Variants in ULK4 observed in about 807,000 individuals in gnomAD.
ULK4 encodes inactive serine/threonine-protein kinase ULK4.
ULK4 carries 133 observed loss-of-function variants against 160.6 expected under a neutral mutation model. The ratio of observed to expected loss-of-function variants is 0.83; its 90% CI spans 0.72 to 0.96. The LOEUF is 0.96. Ranked by LOEUF, ULK4 falls within the 40% of genes least tolerant of loss-of-function variation. The probability of loss-of-function intolerance (pLI) is 0.00; values close to 1 mark genes in which losing one functional copy is unlikely to be tolerated. For synonymous variants in ULK4, 534 were observed against 539.8 expected (o/e 0.99, Z 0.15); for missense variants, 1,580 against 1,499.5 (o/e 1.05, Z -0.89).
chr3:41,874,242 T>G (rs1340613584), intron 17 of ULK4, among the ~76,000 whole-genome samples: 1 of 152,188 alleles, frequency 6.6e-6, no homozygotes, highest in African/African-American at 2.4e-5. Context: ...TCGTGCATCT[T>G]AATACGGAGC....
intron 35 of ULK4, among the ~76,000 whole-genome samples, chr3:41,286,905 C>T (rs1358353256): frequency 3.3e-5 from 5 of 152,206 alleles, no homozygotes; most frequent in Non-Finnish European, 4.4e-5. Flanking sequence ...TGTCTGTCAT[C>T]TTAACTCAAC....
intron 35 of ULK4, among the ~76,000 whole-genome samples, chr3:41,374,788 G>A (rs2081445181): frequency 6.6e-6 from 1 of 152,146 alleles, no homozygotes; most frequent in African/African-American, 2.4e-5. Flanking sequence ...TCTGGCCAGG[G>A]CAATCAGGCA....
At chr3:41,846,998 C>T (rs2042085261) in intron 17 of ULK4, among the ~76,000 whole-genome samples, 1 of 152,158 alleles carries the variant, frequency 6.6e-6, no homozygotes, top group Non-Finnish European at 1.5e-5. Context: ...CTAACAGAAA[C>T]TATTCTTGGG....
chr3:41,537,189 A>G (rs1343930587), intron 32 of ULK4, among the ~76,000 whole-genome samples: 2 of 124,088 alleles, frequency 1.6e-5, no homozygotes, highest in Non-Finnish European at 3.3e-5. Flanking sequence ...TTCACCCCCA[A>G]CCATTTTTTT....
intron 32 of ULK4, among the ~76,000 whole-genome samples, chr3:41,482,019 C>T (rs527250556): frequency 2.5e-3 from 382 of 152,008 alleles, no homozygotes; most frequent in Non-Finnish European, 4.6e-3. Context: ...GGGTGCGTTC[C>T]TCCTCTTACT....
At chr3:41,548,157 A>G (rs1368755829) in intron 32 of ULK4, among the ~76,000 whole-genome samples, 2 of 152,052 alleles carry the variant, frequency 1.3e-5, no homozygotes, top group African/African-American at 4.8e-5. Context: ...TGCTCCACCC[A>G]CCATAGCCTG....
intron 18 of ULK4, among the ~76,000 whole-genome samples, chr3:41,821,297 A>T (rs1412636134): frequency 6.6e-6 from 1 of 152,154 alleles, no homozygotes; most frequent in African/African-American, 2.4e-5. Flanking sequence ...AGAGTCCATT[A>T]CTTACTTGGG....
intron 31 of ULK4, among the ~76,000 whole-genome samples, chr3:41,605,883 A>C (rs1281283824): frequency 6.6e-6 from 1 of 152,094 alleles, no homozygotes; most frequent in Non-Finnish European, 1.5e-5. Flanking sequence ...AAATTGTATA[A>C]GATGCAAATA....
At chr3:41,475,715 T>C (rs1198656117) in intron 32 of ULK4, among the ~76,000 whole-genome samples, 1 of 152,174 alleles carries the variant, frequency 6.6e-6, no homozygotes, top group Non-Finnish European at 1.5e-5. Flanking sequence ...AGGCCACTGA[T>C]AACTATCATT....
intron 36 of ULK4, among the ~76,000 whole-genome samples, chr3:41,248,849 G>C (rs1473566028): frequency 6.6e-6 from 1 of 152,168 alleles, no homozygotes; most frequent in Non-Finnish European, 1.5e-5. Flanking sequence ...CATGCTCCTG[G>C]GTGATAGGCC....
At chr3:41,797,089 G>A (rs911815568) in intron 20 of ULK4, among the ~76,000 whole-genome samples, 3 of 151,940 alleles carry the variant, frequency 2.0e-5, no homozygotes, top group Admixed American at 6.6e-5. Flanking sequence ...ATATGAATAC[G>A]TACATGCATG....
chr3:41,711,221 C>T (rs2037085467), intron 25 of ULK4, among the ~76,000 whole-genome samples: 1 of 152,114 alleles, frequency 6.6e-6, no homozygotes, highest in African/African-American at 2.4e-5. Context: ...AGGCCAATGA[C>T]CCAGAAATCT....
chr3:41,486,453 C>T (rs2084535333), intron 32 of ULK4, among the ~76,000 whole-genome samples: 1 of 152,082 alleles, frequency 6.6e-6, no homozygotes, highest in Non-Finnish European at 1.5e-5. Flanking sequence ...GAGAATTGGC[C>T]ATCATTTACA....
intron 2 of ULK4, among the ~76,000 whole-genome samples, chr3:41,949,429 G>A (rs1019456262): frequency 9.0e-5 from 9 of 100,324 alleles, no homozygotes; most frequent in South Asian, 4.5e-4. Context: ...AAAGATTAGC[G>A]GAATTTTTTT....
chr3:41,506,488 A>G (rs1015901436), intron 32 of ULK4, among the ~76,000 whole-genome samples: 1 of 152,056 alleles, frequency 6.6e-6, no homozygotes, highest in Non-Finnish European at 1.5e-5. Context: ...ACACAGTAGA[A>G]GCTGTGTAGA....
rs567185703 is a variant in ULK4 at position 41,395,765 on chromosome 3, C to A, written c.3678+2314G>T. Among the ~76,000 whole-genome samples, 11 of 152,212 alleles carry A rather than the reference C, an allele frequency of 7.2e-5. No homozygotes were observed. The East Asian group carries it at 2.1e-3, about 29-fold the overall frequency. On this transcript the variant is annotated intron_variant, in intron 35 of 36. Transcript: ENST00000301831. ...CTGAACCATATACTTGAAAATAATT[C>A]TAGTGATAAATTTTATGCTATATAC... is the stretch of plus-strand genomic sequence containing the variant.
intron 32 of ULK4, among the ~76,000 whole-genome samples, chr3:41,471,066 C>A (rs948283979): frequency 1.3e-5 from 2 of 148,608 alleles, no homozygotes; most frequent in African/African-American, 4.9e-5. Context: ...GAACAAAAAA[C>A]CACAAAACTA....
rs1249715836 is a variant in ULK4, at chr3:41,251,688, G to T, written c.3679-2114C>A. On this transcript the variant is annotated intron_variant, in intron 35 of 36. Coordinates refer to ENST00000301831, the MANE Select transcript of ULK4 (RefSeq NM_017886.4). ...TTGTGTCCCAGGCCATTCTGTGATG[G>T]CAGCAGTGGTAGTGGGGACAGAGGT... Among the ~76,000 whole-genome samples, 6 of 152,284 alleles carry T rather than the reference G, an allele frequency of 3.9e-5. No individual in the cohort carries two copies. The East Asian group carries it at 9.6e-4, about 24-fold the overall frequency.
chr3:41,787,642 G>A (rs969338462), intron 21 of ULK4, among the ~76,000 whole-genome samples: 2 of 152,200 alleles, frequency 1.3e-5, no homozygotes, highest in African/African-American at 4.8e-5. Flanking sequence ...AGGTTCTGGA[G>A]ATCTGTCTCA....
Sources: gnomAD v4.1 joint callset for allele counts (sites outside exome capture counted in the v4.1 genomes callset) on GRCh38, gnomAD v4.1.1 for gene constraint, MANE v1.5 for transcripts, NCBI Gene and HGNC (gene_info 2026-07-23, HGNC 2026-07-21) for gene names.